Variants in NHSL2 observed in about 807,000 individuals in gnomAD.
NHSL2 encodes NHS-like protein 2.
A neutral mutation model predicts 53.4 loss-of-function variants in NHSL2; 27 were observed. The ratio of observed to expected loss-of-function variants is 0.51; its 90% CI spans 0.37 to 0.70. The LOEUF is 0.70. NHSL2 is among the 30% of genes least tolerant of loss of function. The probability of loss-of-function intolerance (pLI) is 0.00; values close to 1 mark genes in which losing one functional copy is unlikely to be tolerated. For missense variants in NHSL2, 892 were observed against 980.1 expected, an observed-to-expected ratio of 0.91 and a Z score of 1.20; for synonymous variants, 408 against 404.1, an observed-to-expected ratio of 1.01 and a Z score of -0.12.
At chrX:72,090,296 C>T (rs1458773948) in intron 1 of NHSL2, among the ~76,000 whole-genome samples, 3 of 111,282 alleles carry the variant, frequency 2.7e-5, no homozygotes, top group African/African-American at 9.8e-5. Flanking sequence ...AACTCCTGAG[C>T]TCAAGCGATC....
At chrX:72,125,443 G>A (rs1264910707) in intron 1 of NHSL2, among the ~76,000 whole-genome samples, 1 of 111,242 alleles carries the variant, frequency 9.0e-6, no homozygotes, top group Non-Finnish European at 1.9e-5. Context: ...TAGTGTGCTG[G>A]GCCCCAGGGA....
At chrX:71,988,748 C>A (rs1219721685) in intron 1 of NHSL2, among the ~76,000 whole-genome samples, 1 of 111,355 alleles carries the variant, frequency 9.0e-6, no homozygotes, top group Non-Finnish European at 1.9e-5. Flanking sequence ...AGAAAAGGGT[C>A]CAGATCCAGA....
intron 1 of NHSL2, among the ~76,000 whole-genome samples, chrX:72,099,329 C>T (rs2041971434): frequency 9.2e-6 from 1 of 109,036 alleles, no homozygotes; most frequent in Non-Finnish European, 1.9e-5. Context: ...ATCTATTTGC[C>T]AATTTTGGCA....
intron 1 of NHSL2, among the ~76,000 whole-genome samples, chrX:71,920,046 T>G (rs1409378609): frequency 8.9e-6 from 1 of 112,603 alleles, no homozygotes; most frequent in African/African-American, 3.2e-5. Context: ...TAAGCGTGTT[T>G]CAGTAAAGTA....
At chrX:71,952,542 C>T (rs754576728) in intron 1 of NHSL2, among the ~76,000 whole-genome samples, 1 of 111,590 alleles carries the variant, frequency 9.0e-6, no homozygotes, top group South Asian at 3.8e-4. Context: ...GCACCTTCTA[C>T]GTGTCCTCAT....
chrX:72,060,134 CCA>C (rs1390994438), intron 1 of NHSL2, among the ~76,000 whole-genome samples: 7 of 112,157 alleles, frequency 6.2e-5, no homozygotes, highest in African/African-American at 1.9e-4. Flanking sequence ...TCTTTGAAGT[CCA>C]TCTAGCTGTG....
At chrX:72,115,224 C>T (rs191951113) in intron 1 of NHSL2, among the ~76,000 whole-genome samples, 8 of 110,610 alleles carry the variant, frequency 7.2e-5, no homozygotes, top group Non-Finnish European at 1.3e-4. Flanking sequence ...CGTTCCTCCT[C>T]GTTAACACTG....
chrX:71,927,976 T>C (rs931000713), intron 1 of NHSL2, among the ~76,000 whole-genome samples: 3 of 112,793 alleles, frequency 2.7e-5, no homozygotes, highest in African/African-American at 9.7e-5. Context: ...AGACATGTTA[T>C]GAAGATTATA....
chrX:71,976,859 C>A (rs1457485689), intron 1 of NHSL2, among the ~76,000 whole-genome samples: 3 of 112,320 alleles, frequency 2.7e-5, no homozygotes, highest in Non-Finnish European at 3.8e-5. Flanking sequence ...TAGGGAAAAC[C>A]ACAGAGCATT....
At chrX:72,058,600 C>T (rs2042382704) in intron 1 of NHSL2, among the ~76,000 whole-genome samples, 1 of 112,116 alleles carries the variant, frequency 8.9e-6, no homozygotes, top group South Asian at 3.7e-4. Flanking sequence ...ATCTCGGCAT[C>T]CCAAAGTGCT....
In NHSL2 at chrX:72,140,725, G is replaced by A; in HGVS notation, c.3177G>A (p.Val1059=). Residue 1059 remains valine, a synonymous_variant, in exon 6 of 8, where the codon GTG becomes GTA. Transcript: ENST00000633930. ...GDDLQSLGQR[V]TSTPQADSER... Reference sequence around the variant, plus strand: ...ACCTGCAATCACTTGGTCAAAGGGTGACTTCAACTCCTCAGGCTGACAGTG... The same window carrying A: ...ACCTGCAATCACTTGGTCAAAGGGTAACTTCAACTCCTCAGGCTGACAGTG... The A allele has an allele frequency of 8.3e-7, 1 of 1,201,198 alleles. No individual in the cohort carries two copies. The highest frequency in any genetic ancestry group is 3.0e-5 in the East Asian group (1 of 33,718).
rs1476499303 is a variant in NHSL2 at position 71,964,032 on chromosome X, T to TAC, written c.280+52666_280+52667insCA. On this transcript the variant is annotated intron_variant, in intron 1 of 7. Coordinates refer to ENST00000633930, the MANE Select transcript of NHSL2 (RefSeq NM_001013627.3). Reference sequence around the variant, plus strand: ...ATATGTATATATATATATGTGTATATATATATATATGTATATATATATATG... The same window carrying TAC: ...ATATGTATATATATATATGTGTATATACATATATATATGTATATATATATATG... Among the ~76,000 whole-genome samples, 17 of 46,100 alleles carry TAC rather than the reference T, an allele frequency of 3.7e-4. 1 individual carries two copies. The highest frequency in any genetic ancestry group is 8.7e-4 in the South Asian group (1 of 1,147). The allele number at this position is 46,100 out of a possible 115,157, so 40.0% of individuals were successfully genotyped here.
At chrX:71,980,328 A>T (rs926419333) in intron 1 of NHSL2, among the ~76,000 whole-genome samples, 1 of 111,502 alleles carries the variant, frequency 9.0e-6, no homozygotes, top group Non-Finnish European at 1.9e-5. Flanking sequence ...TGGGGATGGC[A>T]TTGAATCTGT....
intron 2 of NHSL2, 35 bp downstream of exon 2, chrX:72,132,269 A>G: frequency 1.8e-6 from 2 of 1,119,871 alleles, no homozygotes; most frequent in Non-Finnish European, 2.4e-6. Flanking sequence ...GCCGGAGCCC[A>G]GAAGCGAGAT....
At chrX:72,066,342 T>A (rs182662219) in intron 1 of NHSL2, among the ~76,000 whole-genome samples, 14 of 112,041 alleles carry the variant, frequency 1.2e-4, no homozygotes, top group Non-Finnish European at 1.9e-4. Context: ...GAGAAAGCAC[T>A]GAATGTGGAG....
chrX:71,978,639 G>GCTGGCC (rs1052857433), intron 1 of NHSL2, among the ~76,000 whole-genome samples: 3 of 110,208 alleles, frequency 2.7e-5, no homozygotes, highest in African/African-American at 9.9e-5. Flanking sequence ...TTTCTGTTAG[G>GCTGGCC]CTGGCCCTGG....
intron 1 of NHSL2, among the ~76,000 whole-genome samples, chrX:72,005,407 A>G (rs1393564790): frequency 2.7e-5 from 3 of 112,175 alleles, no homozygotes; most frequent in Admixed American, 9.4e-5. Context: ...TGAAAGTACT[A>G]TTGTTGCTTG....
intron 1 of NHSL2, among the ~76,000 whole-genome samples, chrX:71,924,258 G>A (rs1243558461): frequency 2.7e-5 from 3 of 111,195 alleles, no homozygotes; most frequent in Non-Finnish European, 5.7e-5. Flanking sequence ...GGTTTTCATA[G>A]CATTTTCCTC....
chrX:72,086,115 T>C (rs1358700764), intron 1 of NHSL2, among the ~76,000 whole-genome samples: 2 of 111,715 alleles, frequency 1.8e-5, no homozygotes, highest in African/African-American at 6.5e-5. Context: ...GAACCAACAG[T>C]TGTTTTGTGT....
Sources: allele counts gnomAD v4.1 joint callset (sites outside exome capture counted in the v4.1 genomes callset), GRCh38; gene constraint gnomAD v4.1.1; transcripts MANE v1.5; gene names NCBI Gene and HGNC (gene_info 2026-07-23, HGNC 2026-07-21).